Variants in PXDNL observed in about 807,000 individuals in gnomAD.
PXDNL encodes the protein peroxidasin like.
PXDNL carries 145 observed loss-of-function variants against 150.8 expected under a neutral mutation model. The observed-to-expected ratio is 0.96, with a 90% CI of 0.84 to 1.10. PXDNL has a LOEUF of 1.10. Among genes scored for constraint, PXDNL ranks in the 50% least tolerant of loss-of-function variants. The pLI, the probability that PXDNL is intolerant of heterozygous loss-of-function variation, is 0.00. For missense variants in PXDNL, 2,087 were observed against 1,873.9 expected, an observed-to-expected ratio of 1.11 and a Z score of -2.10; for synonymous variants, 757 against 725.7, an observed-to-expected ratio of 1.04 and a Z score of -0.69.
chr8:51,408,703 C>T lies in PXDNL; in HGVS notation c.2921G>A (p.Trp974Ter), dbSNP rs764244144. 1.9e-6 allele frequency: 3 copies of T among 1,594,994 alleles called. No homozygotes were observed. The South Asian group carries it at 3.4e-5, about 18-fold the overall frequency. The stretch of plus-strand genomic sequence containing the variant: ...GGCCATCCTGTTGTGTTCCCGGAAC[C>T]ACAGGGTGTGCATGGCGGCCAGAGC... ...HLALAAMHTL[W>*]FREHNRMATE... is the part of the protein sequence containing the mutation. The change falls in exon 17 of 23, where the codon TGG (tryptophan) becomes TAG (stop). Residue 974 changes from tryptophan (W) to a stop codon, truncating the protein, a stop_gained. Coordinates refer to ENST00000356297, the MANE Select transcript of PXDNL (RefSeq NM_144651.5). LOFTEE classifies it high-confidence loss of function.
chr8:51,759,054 G>T (rs1418880810), intron 1 of PXDNL, among the ~76,000 whole-genome samples: 1 of 152,204 alleles, frequency 6.6e-6, no homozygotes, highest in Non-Finnish European at 1.5e-5. Context: ...TGGACCATGA[G>T]AATAGGAGTC....
chr8:51,357,470 C>T (rs1806546996), intron 19 of PXDNL, among the ~76,000 whole-genome samples: 1 of 152,194 alleles, frequency 6.6e-6, no homozygotes, highest in South Asian at 2.1e-4. Flanking sequence ...AAGAAGTGGT[C>T]CCTGAAGGAG....
chr8:51,387,522 G>GGGA (rs1485852933), intron 17 of PXDNL, among the ~76,000 whole-genome samples: 3 of 152,162 alleles, frequency 2.0e-5, no homozygotes, highest in African/African-American at 7.2e-5. Flanking sequence ...GATGCAGTAG[G>GGGA]GGAGACTGGT....
intron 17 of PXDNL, among the ~76,000 whole-genome samples, chr8:51,400,564 G>A (rs1231140159): frequency 2.6e-5 from 4 of 152,142 alleles, no homozygotes; most frequent in African/African-American, 2.4e-5. Flanking sequence ...AGAGCTGCAC[G>A]CCTTCTAAGA....
chr8:51,565,016 G>C (rs1458941774), intron 3 of PXDNL, among the ~76,000 whole-genome samples: 1 of 151,838 alleles, frequency 6.6e-6, no homozygotes, highest in Non-Finnish European at 1.5e-5. Context: ...GGTGAATAGG[G>C]ATGGAGAGAG....
At chr8:51,658,482 G>A (rs1471365906) in intron 1 of PXDNL, among the ~76,000 whole-genome samples, 2 of 151,766 alleles carry the variant, frequency 1.3e-5, no homozygotes, top group Non-Finnish European at 2.9e-5. Flanking sequence ...GTTAGCACTC[G>A]ATCCTCTTTG....
At chr8:51,585,941 G>C (rs1048257271) in intron 3 of PXDNL, among the ~76,000 whole-genome samples, 1 of 151,916 alleles carries the variant, frequency 6.6e-6, no homozygotes, top group Non-Finnish European at 1.5e-5. Flanking sequence ...TACTAACCCA[G>C]GATGTGCTTG....
rs113801818 is a variant in PXDNL, at chr8:51,611,616, T to C, written c.237-18918A>G. ...TTTTTGTGTGAAAAGGACTATGGGA[T>C]AGGTCATGCACCCAAACTAAGGTTT... On this transcript the variant is annotated intron_variant, in intron 2 of 22. Transcript: ENST00000356297. Among the ~76,000 whole-genome samples the C allele has an allele frequency of 7.0e-3, 1,071 of 152,292 alleles. 6 individuals carry two copies. The highest frequency in any genetic ancestry group is 0.024 in the African/African-American group (1,018 of 41,564).
intron 1 of PXDNL, among the ~76,000 whole-genome samples, chr8:51,805,192 G>T (rs4242476): frequency 6.6e-6 from 1 of 151,626 alleles, no homozygotes; most frequent in Admixed American, 6.6e-5. Flanking sequence ...AAAAAGTTCA[G>T]GCCTGTTCAT....
chr8:51,419,746 C>T (rs1304439004), intron 14 of PXDNL, among the ~76,000 whole-genome samples: 1 of 152,114 alleles, frequency 6.6e-6, no homozygotes, highest in East Asian at 1.9e-4. Context: ...TTTTTAAAAA[C>T]AATAAATATA....
chr8:51,674,641 G>A (rs1585665443), intron 1 of PXDNL, among the ~76,000 whole-genome samples: 1 of 152,338 alleles, frequency 6.6e-6, no homozygotes, highest in East Asian at 1.9e-4. Context: ...TGTGGCTATT[G>A]GGGCAGCTTG....
chr8:51,398,148 C>T (rs1386819400), intron 17 of PXDNL, among the ~76,000 whole-genome samples: 2 of 152,206 alleles, frequency 1.3e-5, no homozygotes, highest in Non-Finnish European at 2.9e-5. Context: ...AACAAGCAGC[C>T]TAAGACTGGG....
At chr8:51,494,560 G>C (rs933038844) in intron 5 of PXDNL, among the ~76,000 whole-genome samples, 8 of 152,058 alleles carry the variant, frequency 5.3e-5, no homozygotes, top group African/African-American at 1.9e-4. Context: ...ACACACATAG[G>C]CTCAAAATAA....
At chr8:51,744,067 AAGGAAGGAAG>A (rs1563307119) in intron 1 of PXDNL, among the ~76,000 whole-genome samples, 1,083 of 73,018 alleles carry the variant, frequency 0.015, 69 homozygotes, top group African/African-American at 0.03. Context: ...GGAAGGAAGG[AAGGAAGGAAG>A]GAAGGAAGGA....
intron 1 of PXDNL, among the ~76,000 whole-genome samples, chr8:51,775,516 G>A (rs2037342817): frequency 6.6e-6 from 1 of 152,162 alleles, no homozygotes; most frequent in South Asian, 2.1e-4. Flanking sequence ...CATGGCAGAA[G>A]AACATAAATT....
rs539332428 is a variant in PXDNL at position 51,356,238 on chromosome 8, C to T, written c.3902-10291G>A. ...GTGGGGTGGCCCATGCCTGCAATCC[C>T]AGCACCTTGGGAGGCCGAGGAGGGC... On this transcript the variant is annotated intron_variant, in intron 19 of 22. Transcript: ENST00000356297. Among the ~76,000 whole-genome samples the T allele has an allele frequency of 1.6e-4, 25 of 152,338 alleles. No individual in the cohort carries two copies. In the South Asian group the frequency reaches 4.8e-3, roughly 29 times the overall value.
At chr8:51,494,732 C>A (rs6651349) in intron 5 of PXDNL, among the ~76,000 whole-genome samples, 48,259 of 151,320 alleles carry the variant, frequency 0.32, 8,579 homozygotes, top group African/African-American at 0.47. Context: ...AGAGCTAACT[C>A]TCCTAAATAT....
chr8:51,361,842 G>T (rs1266456734), intron 19 of PXDNL, among the ~76,000 whole-genome samples: 1 of 140,624 alleles, frequency 7.1e-6, no homozygotes, highest in Non-Finnish European at 1.5e-5. Context: ...GACACCTGTA[G>T]TCCCAGCTAC....
chr8:51,523,251 T>C (rs1811699066), intron 4 of PXDNL, among the ~76,000 whole-genome samples: 1 of 152,100 alleles, frequency 6.6e-6, no homozygotes, highest in South Asian at 2.1e-4. Context: ...TTCTCACTTA[T>C]GATATAATGT....
Sources: allele counts gnomAD v4.1 joint callset (sites outside exome capture counted in the v4.1 genomes callset), GRCh38; gene constraint gnomAD v4.1.1; transcripts MANE v1.5; gene names NCBI Gene and HGNC (gene_info 2026-07-23, HGNC 2026-07-21).